Variants in ASIC2 observed in about 807,000 individuals in gnomAD.
ASIC2 encodes acid sensing ion channel subunit 2.
A neutral mutation model predicts 57.3 loss-of-function variants in ASIC2; 25 were observed. That is an observed-to-expected ratio of 0.44 (90% CI 0.32 to 0.61). The LOEUF is 0.61. Ranked by LOEUF, ASIC2 falls within the 20% of genes least tolerant of loss-of-function variation. The pLI, the probability that ASIC2 is intolerant of heterozygous loss-of-function variation, is 0.06. For synonymous variants in ASIC2, 319 were observed against 307.5 expected, an observed-to-expected ratio of 1.04 and a Z score of -0.39; for missense variants, 641 against 738.1, an observed-to-expected ratio of 0.87 and a Z score of 1.52.
At chr17:33,739,793 GAAGAAAGA>G (rs532445105) in intron 1 of ASIC2, among the ~76,000 whole-genome samples, 1 of 110,198 alleles carries the variant, frequency 9.1e-6, no homozygotes, top group South Asian at 2.8e-4. Context: ...ACAAAAGAAA[GAAGAAAGA>G]AAGAAAGAAA....
intron 1 of ASIC2, among the ~76,000 whole-genome samples, chr17:34,099,798 GAAAGAAAA>G (rs1910791815): frequency 1.0e-5 from 1 of 99,134 alleles, no homozygotes; most frequent in Admixed American, 9.7e-5. Context: ...AAGAAAGAAA[GAAAGAAAA>G]GAGAATCTCA....
At chr17:33,897,068 G>A (rs888898362) in intron 1 of ASIC2, among the ~76,000 whole-genome samples, 2 of 152,192 alleles carry the variant, frequency 1.3e-5, no homozygotes, top group African/African-American at 4.8e-5. Context: ...ATGTCCATGG[G>A]TAGGCACATT....
At chr17:33,045,366 G>A (rs1301524572) in intron 3 of ASIC2, among the ~76,000 whole-genome samples, 1 of 152,154 alleles carries the variant, frequency 6.6e-6, no homozygotes, top group Non-Finnish European at 1.5e-5. Flanking sequence ...ACAATTTCTT[G>A]GGCGAGTGCT....
chr17:33,808,196 A>T (rs1912321847), intron 1 of ASIC2, among the ~76,000 whole-genome samples: 1 of 152,212 alleles, frequency 6.6e-6, no homozygotes, highest in Admixed American at 6.5e-5. Context: ...AGTTAAATGG[A>T]TCTGAGTTTG....
At chr17:34,073,927 CCTT>C (rs1183575388) in intron 1 of ASIC2, among the ~76,000 whole-genome samples, 1 of 152,188 alleles carries the variant, frequency 6.6e-6, no homozygotes, top group African/African-American at 2.4e-5. Flanking sequence ...GAACAGGCCT[CCTT>C]CTGCGTAAGG....
At chr17:33,858,744 AC>A (rs751977755) in intron 1 of ASIC2, among the ~76,000 whole-genome samples, 70 of 152,184 alleles carry the variant, frequency 4.6e-4, no homozygotes, top group Non-Finnish European at 2.4e-4. Flanking sequence ...TCCAGGGACA[AC>A]CCATATGCAT....
intron 1 of ASIC2, among the ~76,000 whole-genome samples, chr17:33,746,759 C>T (rs902386706): frequency 6.6e-6 from 1 of 152,094 alleles, no homozygotes; most frequent in African/African-American, 2.4e-5. Flanking sequence ...TCAATTACAG[C>T]AGAATATACA....
At chr17:33,844,828 A>G (rs1332165190) in intron 1 of ASIC2, among the ~76,000 whole-genome samples, 3 of 152,194 alleles carry the variant, frequency 2.0e-5, no homozygotes, top group Non-Finnish European at 2.9e-5. Context: ...TATGTGCTAG[A>G]TAGTCTCATA....
At chr17:33,512,747 G>A (rs1418300556) in intron 1 of ASIC2, among the ~76,000 whole-genome samples, 14 of 152,182 alleles carry the variant, frequency 9.2e-5, no homozygotes, top group Non-Finnish European at 1.6e-4. Context: ...CTCTTATGGT[G>A]CAGACCCCTG....
intron 1 of ASIC2, among the ~76,000 whole-genome samples, chr17:33,897,812 G>A (rs998503782): frequency 2.0e-5 from 3 of 152,222 alleles, no homozygotes; most frequent in African/African-American, 7.2e-5. Context: ...TCTGGGAAAG[G>A]GGCCTGTTGT....
At chr17:33,062,608 T>A (rs2092025561) in intron 3 of ASIC2, among the ~76,000 whole-genome samples, 1 of 152,134 alleles carries the variant, frequency 6.6e-6, no homozygotes, top group South Asian at 2.1e-4. Flanking sequence ...GGAAGAGGTG[T>A]GGTGGGGTGC....
At chr17:33,971,283 A>G (rs77428459) in intron 1 of ASIC2, among the ~76,000 whole-genome samples, 66 of 152,224 alleles carry the variant, frequency 4.3e-4, no homozygotes, top group African/African-American at 1.5e-3. Context: ...TCAAAACACG[A>G]TAAAACACCA....
chr17:33,074,135 A>G (rs1269910430), intron 3 of ASIC2, among the ~76,000 whole-genome samples: 1 of 152,188 alleles, frequency 6.6e-6, no homozygotes, highest in African/African-American at 2.4e-5. Flanking sequence ...ACAGAGAGTT[A>G]TATAGAGAGA....
intron 1 of ASIC2, among the ~76,000 whole-genome samples, chr17:33,469,700 A>G (rs1195745349): frequency 6.6e-6 from 1 of 152,316 alleles, no homozygotes; most frequent in Admixed American, 6.5e-5. Flanking sequence ...AATGGCACCC[A>G]TACTTCCCTT....
At chr17:34,110,580 C>G (rs1311452330) in intron 1 of ASIC2, among the ~76,000 whole-genome samples, 1 of 152,182 alleles carries the variant, frequency 6.6e-6, no homozygotes, top group Non-Finnish European at 1.5e-5. Flanking sequence ...GCCCAAGTGC[C>G]AGGCATATGT....
intron 1 of ASIC2, among the ~76,000 whole-genome samples, chr17:34,028,606 AC>A (rs1907466515): frequency 6.6e-6 from 1 of 152,200 alleles, no homozygotes; most frequent in Non-Finnish European, 1.5e-5. Context: ...TCATTATTTC[AC>A]CAGCAGCCAT....
chr17:33,610,054 G>GCACACACACACA (rs57533251), intron 1 of ASIC2, among the ~76,000 whole-genome samples: 3,051 of 144,792 alleles, frequency 0.021, 40 homozygotes, highest in South Asian at 0.065. Flanking sequence ...GGACAGAGGC[G>GCACACACACACA]CACACACACA....
At chr17:34,112,012 A>C (rs1911292786) in intron 1 of ASIC2, among the ~76,000 whole-genome samples, 1 of 152,206 alleles carries the variant, frequency 6.6e-6, no homozygotes, top group Non-Finnish European at 1.5e-5. Flanking sequence ...AAAAATTCTC[A>C]TGGGAACTTG....
At chr17:33,643,137 C>A in intron 1 of ASIC2, among the ~76,000 whole-genome samples, 1 of 94,118 alleles carries the variant, frequency 1.1e-5, no homozygotes, top group Non-Finnish European at 2.0e-5. Context: ...ATCATTCTCA[C>A]ATGCTCATTT....
Sources: allele counts gnomAD v4.1 joint callset (sites outside exome capture counted in the v4.1 genomes callset), GRCh38; gene constraint gnomAD v4.1.1; transcripts MANE v1.5; gene names NCBI Gene and HGNC (gene_info 2026-07-23, HGNC 2026-07-21).